The following GXYLT2 variants were observed in gnomAD, a reference collection of about 807,000 sequenced individuals.
GXYLT2 encodes glucoside xylosyltransferase 2.
GXYLT2 carries 53 observed loss-of-function variants against 45.8 expected under a neutral mutation model. The observed-to-expected ratio is 1.16, with a 90% CI of 0.93 to 1.46. The LOEUF (loss-of-function observed/expected upper bound fraction) is 1.46, where lower values mean the gene tolerates loss of function less well. Ranked by LOEUF, GXYLT2 falls within the 40% of genes most tolerant of loss-of-function variation. GXYLT2 has a pLI of 0.00. For missense variants in GXYLT2, 551 were observed against 544.4 expected (o/e 1.01, Z -0.12); for synonymous variants, 219 against 214.2 (o/e 1.02, Z -0.19).
chr3:72,915,308 C>T (rs1575786511), intron 2 of GXYLT2, among the ~76,000 whole-genome samples: 2 of 121,198 alleles, frequency 1.7e-5, no homozygotes, highest in African/African-American at 3.2e-5. Context: ...TTTTAGAGGA[C>T]GGGGACCATG....
At position 72,908,544 on chromosome 3, in the gene GXYLT2, C is replaced by T. The variant is rs1454202057; in HGVS notation, c.453C>T (p.Pro151=). The change falls in exon 2 of 7, where the codon CCC becomes CCT. Residue 151 remains proline (P), a synonymous_variant. Coordinates refer to ENST00000389617, the MANE Select transcript of GXYLT2 (RefSeq NM_001080393.2). The part of the protein sequence containing the change: ...FHIFTEDSLK[P]EFDKQLRQWP... ...TCTTCACTGAAGACTCTCTGAAGCC[C>T]GAGTTTGATAAGCAGGTGAATTTGC... 1.6e-5 allele frequency: 26 copies of T among 1,610,898 alleles called. No homozygotes were observed. The highest frequency in any genetic ancestry group is 5.4e-5 in the African/African-American group (4 of 74,674).
intron 6 of GXYLT2, 114 bp from the exon 7 acceptor site, chr3:72,974,863 C>T: frequency 2.6e-6 from 2 of 780,202 alleles, no homozygotes; most frequent in Non-Finnish European, 4.1e-6. Context: ...TTCACTTGTC[C>T]AAACCTGTGC....
chr3:72,899,655 G>A (rs1709363855), intron 1 of GXYLT2, among the ~76,000 whole-genome samples: 1 of 152,130 alleles, frequency 6.6e-6, no homozygotes, highest in African/African-American at 2.4e-5. Context: ...CACTTGACAT[G>A]GCTATAATTA....
At position 72,910,195 on chromosome 3, in the gene GXYLT2, A is replaced by G. The variant is rs189749696; in HGVS notation, c.468+1636A>G. 2.3e-4 allele frequency among the ~76,000 whole-genome samples: 35 copies of G among 152,332 alleles called. No homozygotes were observed. In the East Asian group the frequency reaches 6.2e-3, roughly 27 times the overall value. ...TATGAGTTCATCTCATTTAATCCTC[A>G]TAATCTTCAAAGGTAACCTTTGAAG... On this transcript the variant is annotated intron_variant, in intron 2 of 6. Transcript: ENST00000389617.
At chr3:72,969,041 A>C (rs1710932189) in intron 6 of GXYLT2, among the ~76,000 whole-genome samples, 1 of 152,032 alleles carries the variant, frequency 6.6e-6, no homozygotes, top group Non-Finnish European at 1.5e-5. Flanking sequence ...ACTGCACTCC[A>C]GCCTGGGTGA....
chr3:72,918,770 G>A (rs1709781403), intron 2 of GXYLT2, among the ~76,000 whole-genome samples: 2 of 152,144 alleles, frequency 1.3e-5, no homozygotes, highest in Admixed American at 6.6e-5. Flanking sequence ...AGAGAGTGCA[G>A]TGAGCTGAGA....
chr3:72,911,977 A>ATG (rs199508166), intron 2 of GXYLT2, among the ~76,000 whole-genome samples: 463 of 129,438 alleles, frequency 3.6e-3, no homozygotes, highest in South Asian at 0.012. Context: ...GTGTGTGTGC[A>ATG]TGTGTGTGTG....
rs7612753 is a variant in GXYLT2 at position 72,937,296 on chromosome 3, T to C, written c.600+14961T>C. On this transcript the variant is annotated intron_variant, in intron 3 of 6. Coordinates refer to ENST00000389617, the MANE Select transcript of GXYLT2 (RefSeq NM_001080393.2). ...TTGACATTTCTGTCTTATATATTTATGTATGCATAAACTAGAATTGTGATG... is the reference window on the plus strand; with the variant it reads ...TTGACATTTCTGTCTTATATATTTACGTATGCATAAACTAGAATTGTGATG... Among the ~76,000 whole-genome samples the C allele has an allele frequency of 8.8e-3, 1,338 of 152,378 alleles. 20 individuals carry two copies. Among genetic ancestry groups the C allele is most frequent in the African/African-American group, 0.03 (1,265 of 41,592 alleles).
At chr3:72,952,212 A>C (rs1559746946) in intron 3 of GXYLT2, among the ~76,000 whole-genome samples, 2 of 151,978 alleles carry the variant, frequency 1.3e-5, no homozygotes, top group Non-Finnish European at 2.9e-5. Flanking sequence ...CATATTGGCC[A>C]GGCTGGTCTC....
At chr3:72,953,261 G>A (rs902138452) in intron 3 of GXYLT2, among the ~76,000 whole-genome samples, 1 of 151,980 alleles carries the variant, frequency 6.6e-6, no homozygotes, top group Non-Finnish European at 1.5e-5. Flanking sequence ...CTTTTATTAG[G>A]ACACACAGCC....
At chr3:72,946,959 G>T (rs1480554356) in intron 3 of GXYLT2, among the ~76,000 whole-genome samples, 1 of 151,828 alleles carries the variant, frequency 6.6e-6, no homozygotes, top group Non-Finnish European at 1.5e-5. Context: ...AAGTAGCTAG[G>T]ACTACAGGTG....
At chr3:72,889,904 TTTG>T (rs1709148305) in intron 1 of GXYLT2, among the ~76,000 whole-genome samples, 1 of 137,888 alleles carries the variant, frequency 7.3e-6, no homozygotes, top group African/African-American at 2.9e-5. Flanking sequence ...TGGTTTTTTT[TTTG>T]TTTTTTTTTT....
Position 72,888,344 on chromosome 3 carries a change from GCGCCCCGCGTC to G in GXYLT2, c.120_130del (p.Ser41AlafsTer91). On this transcript the variant is annotated frameshift_variant, in exon 1 of 7. Transcript: ENST00000389617. LOFTEE classifies it high-confidence loss of function. ...GCGCTGAGCCCCCAGCGCTGCCCGC[GCGCCCCGCGTC>G]CGCCCCGCAGCGCCACCCCGCGCCT... is the stretch of plus-strand genomic sequence containing the variant. 4.1e-6 allele frequency: 4 copies of G among 983,458 alleles called. No individual in the cohort carries two copies. The highest frequency in any genetic ancestry group is 4.8e-6 in the Non-Finnish European group (4 of 830,412). The allele number at this position is 983,458 out of a possible 1,614,324, so 60.9% of individuals were successfully genotyped here.
intron 3 of GXYLT2, among the ~76,000 whole-genome samples, chr3:72,939,408 C>T (rs1710256100): frequency 6.6e-6 from 1 of 152,156 alleles, no homozygotes; most frequent in East Asian, 1.9e-4. Context: ...GCACTCCAGC[C>T]TGGGTGACAG....
At chr3:72,920,829 T>C (rs1381598582) in intron 2 of GXYLT2, among the ~76,000 whole-genome samples, 1 of 150,752 alleles carries the variant, frequency 6.6e-6, no homozygotes, top group Non-Finnish European at 1.5e-5. Context: ...TTTTTTTTTT[T>C]TTTTAGTCAG....
chr3:72,935,793 T>C (rs940654139), intron 3 of GXYLT2, among the ~76,000 whole-genome samples: 46 of 152,300 alleles, frequency 3.0e-4, no homozygotes, highest in African/African-American at 1.1e-3. Context: ...GCAAGACATT[T>C]TCAGATGTGC....
At chr3:72,913,024 G>GTT (rs1388983253) in intron 2 of GXYLT2, among the ~76,000 whole-genome samples, 4,083 of 145,256 alleles carry the variant, frequency 0.028, 193 homozygotes, top group African/African-American at 0.098. Flanking sequence ...ATTTCCTCAG[G>GTT]TTTTTTTTTT....
intron 2 of GXYLT2, among the ~76,000 whole-genome samples, chr3:72,913,562 G>A (rs1414952040): frequency 6.6e-6 from 1 of 151,950 alleles, no homozygotes; most frequent in African/African-American, 2.4e-5. Flanking sequence ...AGGCTTAGTG[G>A]TGTGTGCCTG....
At chr3:72,905,733 T>TA (rs1055927682) in intron 1 of GXYLT2, among the ~76,000 whole-genome samples, 1 of 152,216 alleles carries the variant, frequency 6.6e-6, no homozygotes, top group Admixed American at 6.5e-5. Context: ...CAGTCCAACT[T>TA]ACACTGCCCC....
Sources: gnomAD v4.1 joint callset for allele counts (sites outside exome capture counted in the v4.1 genomes callset) on GRCh38, gnomAD v4.1.1 for gene constraint, MANE v1.5 for transcripts, NCBI Gene and HGNC (gene_info 2026-07-23, HGNC 2026-07-21) for gene names.